The following DYNC2H1 variants were observed in gnomAD, a reference collection of about 807,000 sequenced individuals.
DYNC2H1 encodes cytoplasmic dynein 2 heavy chain 1.
DYNC2H1 carries 410 observed loss-of-function variants against 570.0 expected under a neutral mutation model. The observed-to-expected ratio is 0.72, with a 90% CI of 0.66 to 0.78. DYNC2H1 has a LOEUF of 0.78. Among genes scored for constraint, DYNC2H1 ranks in the 30% least tolerant of loss-of-function variants. The pLI is 0.00. For synonymous variants in DYNC2H1, 1,688 were observed against 1,677.6 expected, an observed-to-expected ratio of 1.01 and a Z score of -0.15; for missense variants, 4,865 against 5,046.4, an observed-to-expected ratio of 0.96 and a Z score of 1.09.
At chr11:103,415,954 G>T in intron 84 of DYNC2H1, among the ~76,000 whole-genome samples, 1 of 152,170 alleles carries the variant, frequency 6.6e-6, no homozygotes, top group Admixed American at 6.5e-5. Flanking sequence ...TATACACCAT[G>T]GAATACTATG....
chr11:103,334,000 A>C (rs1938976681), intron 82 of DYNC2H1, among the ~76,000 whole-genome samples: 1 of 152,182 alleles, frequency 6.6e-6, no homozygotes, highest in Non-Finnish European at 1.5e-5. Flanking sequence ...ATTTGTTAAT[A>C]ACGATTCAGT....
intron 83 of DYNC2H1, among the ~76,000 whole-genome samples, chr11:103,386,706 T>C (rs533959571): frequency 1.6e-4 from 24 of 152,162 alleles, no homozygotes; most frequent in Non-Finnish European, 1.8e-4. Flanking sequence ...TGTGTACATG[T>C]GTTCTCATTG....
In DYNC2H1 at chr11:103,360,771, C is replaced by T. The variant is rs543706919; in HGVS notation, c.12156+2412C>T. Among the ~76,000 whole-genome samples the T allele has an allele frequency of 1.3e-4, 20 of 151,842 alleles. No individual in the cohort carries two copies. The South Asian group carries it at 2.3e-3, about 17-fold the overall frequency. On this transcript the variant is annotated intron_variant, in intron 83 of 88. Transcript: ENST00000375735. ...TACCTTGTGGAGTTTACAGTTAGTT[C>T]GTAAGAGAGATATTAGAAGATGAAG...
At chr11:103,433,856 C>T (rs1044850387) in intron 84 of DYNC2H1, among the ~76,000 whole-genome samples, 1 of 152,056 alleles carries the variant, frequency 6.6e-6, no homozygotes, top group Non-Finnish European at 1.5e-5. Context: ...ACAAGTTGCC[C>T]GTTCCCTTTA....
intron 83 of DYNC2H1, among the ~76,000 whole-genome samples, chr11:103,377,280 C>G (rs1047682556): frequency 6.6e-6 from 1 of 152,106 alleles, no homozygotes; most frequent in Non-Finnish European, 1.5e-5. Context: ...TACCATAAGA[C>G]CCATAGGCTT....
intron 20 of DYNC2H1, 23 bp from the exon 21 acceptor site, chr11:103,152,111 TTG>T (rs1430345561): frequency 8.4e-7 from 1 of 1,191,016 alleles, no homozygotes. Flanking sequence ...GTTATTCAAT[TTG>T]TTTTTTTTTT....
At chr11:103,253,499 A>T in intron 66 of DYNC2H1, 51 bp downstream of exon 66, 1 of 1,491,432 alleles carries the variant, frequency 6.7e-7, no homozygotes. Context: ...AGCTTTATAT[A>T]CCTATTAGAC....
intron 67 of DYNC2H1, among the ~76,000 whole-genome samples, chr11:103,255,880 T>A (rs1865037516): frequency 6.6e-6 from 1 of 152,064 alleles, no homozygotes; most frequent in African/African-American, 2.4e-5. Flanking sequence ...TACCTTGCTA[T>A]GTTTGATAAT....
intron 85 of DYNC2H1, among the ~76,000 whole-genome samples, chr11:103,445,394 T>C (rs1944389425): frequency 6.6e-6 from 1 of 152,226 alleles, no homozygotes; most frequent in South Asian, 2.1e-4. Flanking sequence ...TCTTTATATA[T>C]TCTTTTTAAT....
chr11:103,304,486 A>T, intron 76 of DYNC2H1, 109 bp from the exon 77 acceptor site: 1 of 1,179,954 alleles, frequency 8.5e-7, no homozygotes, highest in Non-Finnish European at 1.1e-6. Context: ...TTTATTATTA[A>T]AGCCAGTTAG....
In DYNC2H1 at chr11:103,206,641, T is replaced by C. The variant is rs148268091; in HGVS notation, c.8454+1677T>C. Among the ~76,000 whole-genome samples, 3 of 152,238 alleles carry C rather than the reference T, an allele frequency of 2.0e-5. No homozygotes were observed. In the East Asian group the frequency reaches 5.8e-4, roughly 29 times the overall value. On this transcript the variant is annotated intron_variant, in intron 52 of 88. Coordinates refer to ENST00000375735, the MANE Select transcript of DYNC2H1 (RefSeq NM_001377.3). ...TAAGAAGAAAACCAGACAAACATTA[T>C]ATTTTAAAAACCAAAAGAAGATAGC... is the stretch of plus-strand genomic sequence containing the variant.
intron 5 of DYNC2H1, among the ~76,000 whole-genome samples, chr11:103,117,072 A>G (rs891475314): frequency 4.0e-5 from 6 of 150,556 alleles, no homozygotes; most frequent in African/African-American, 1.5e-4. Flanking sequence ...GAAATGTCAG[A>G]TAAGTACATA....
chr11:103,456,747 T>G (rs1469320437), intron 87 of DYNC2H1, among the ~76,000 whole-genome samples: 4 of 152,198 alleles, frequency 2.6e-5, no homozygotes, highest in African/African-American at 9.6e-5. Flanking sequence ...TGAACCTTTT[T>G]GATTGCCAAT....
At chr11:103,402,126 A>G (rs1942669593) in intron 84 of DYNC2H1, 1 of 152,074 alleles carries the variant, frequency 6.6e-6, no homozygotes, top group South Asian at 2.1e-4. Context: ...GTTTTTGACT[A>G]CCTTCTATTA....
intron 84 of DYNC2H1, chr11:103,403,601 A>G (rs1942734321): frequency 1.3e-5 from 2 of 152,126 alleles, no homozygotes; most frequent in Admixed American, 1.3e-4. Context: ...CACTGTCCGT[A>G]GTAAAGGCCT....
rs371953021 is a variant in DYNC2H1 at position 103,245,287 on chromosome 11, C to T, written c.9955C>T (p.Arg3319Cys). The T allele has an allele frequency of 7.1e-6, 11 of 1,551,558 alleles. No individual in the cohort carries two copies. Among genetic ancestry groups the T allele is most frequent in the Non-Finnish European group, 7.9e-6 (9 of 1,146,360 alleles). The change falls in exon 65 of 89, where the codon CGT (arginine) becomes TGT (cysteine). Residue 3319 changes from arginine (R) to cysteine (C), a missense_variant. Physicochemically the swap from Arg to Cys is radical, Grantham distance 180. Transcript: ENST00000375735. This position sits in a 1 kb window ranked among gnomAD's most constrained non-coding sequence, Gnocchi z 4.5. ...TATCACAGCTCTTGAATTAGCAGTA[C>T]GTTTTGGGAAAACCCTTATTATACA... Reference protein sequence around the residue: ...NFITALELAVRFGKTLIIQEM... With the variant: ...NFITALELAVCFGKTLIIQEM...
At chr11:103,456,699 A>G (rs983847065) in intron 87 of DYNC2H1, among the ~76,000 whole-genome samples, 1 of 152,136 alleles carries the variant, frequency 6.6e-6, no homozygotes, top group African/African-American at 2.4e-5. Flanking sequence ...TGAGCATCCA[A>G]ACATCCCTAA....
chr11:103,417,871 ATC>A (rs2135707599), intron 84 of DYNC2H1, among the ~76,000 whole-genome samples: 1 of 105,598 alleles, frequency 9.5e-6, no homozygotes, highest in East Asian at 3.6e-4. Context: ...GCGAGACTCC[ATC>A]TCAAAAAAAA....
At chr11:103,307,951 G>A in intron 78 of DYNC2H1, 120 bp downstream of exon 78, 3 of 449,006 alleles carry the variant, frequency 6.7e-6, no homozygotes, top group South Asian at 7.4e-5. Flanking sequence ...ATTTAGATGA[G>A]GTATACATAG....
Sources: gnomAD v4.1 joint callset for allele counts (sites outside exome capture counted in the v4.1 genomes callset) on GRCh38, gnomAD v4.1.1 for gene constraint, Gnocchi (gnomAD v3.1) non-coding constraint, MANE v1.5 for transcripts, NCBI Gene and HGNC (gene_info 2026-07-23, HGNC 2026-07-21) for gene names.